KIF26B: variants seen among roughly 807,000 people sequenced by gnomAD.
KIF26B encodes kinesin family member 26B.
A neutral mutation model predicts 151.2 loss-of-function variants in KIF26B; 63 were observed. That is an observed-to-expected ratio of 0.42 (90% CI 0.34 to 0.51). The LOEUF (loss-of-function observed/expected upper bound fraction) is 0.51. KIF26B is among the 20% of genes least tolerant of loss of function. The pLI is 0.07. For synonymous variants in KIF26B, 1,357 were observed against 1,262.1 expected (o/e 1.08, Z -1.59); for missense variants, 2,813 against 2,913.6 (o/e 0.97, Z 0.79).
chr1:245,371,766 C>T (rs937946827), intron 3 of KIF26B: 6 of 151,976 alleles, frequency 3.9e-5, no homozygotes, highest in Non-Finnish European at 8.8e-5. Context: ...AAAGTACCTC[C>T]AGAAAGACCA....
chr1:245,565,140 T>A (rs541027194), intron 5 of KIF26B, among the ~76,000 whole-genome samples: 1 of 152,242 alleles, frequency 6.6e-6, no homozygotes, highest in South Asian at 2.1e-4. Flanking sequence ...CTATAAAAAA[T>A]TTTTTTAAAG....
intron 10 of KIF26B, among the ~76,000 whole-genome samples, chr1:245,679,458 T>TGG (rs1491094093): frequency 9.3e-5 from 2 of 21,612 alleles, no homozygotes; most frequent in Non-Finnish European, 2.2e-4. Flanking sequence ...TTTGTGTGTG[T>TGG]TTTTTTTTTT....
chr1:245,273,655 ATTTTG>A (rs1670890731), intron 2 of KIF26B, among the ~76,000 whole-genome samples: 1 of 152,030 alleles, frequency 6.6e-6, no homozygotes, highest in Non-Finnish European at 1.5e-5. Context: ...CTTAAAGTCT[ATTTTG>A]TGTGATATAA....
At chr1:245,587,830 C>T (rs918000862) in intron 5 of KIF26B, among the ~76,000 whole-genome samples, 2 of 152,106 alleles carry the variant, frequency 1.3e-5, no homozygotes, top group Non-Finnish European at 2.9e-5. Context: ...AAGCTGATTC[C>T]GTATGAAGAG....
intron 5 of KIF26B, among the ~76,000 whole-genome samples, chr1:245,567,253 C>G (rs2043019075): frequency 6.6e-6 from 1 of 152,236 alleles, no homozygotes; most frequent in South Asian, 2.1e-4. Flanking sequence ...GACATGCTAG[C>G]ATTCTTCCTG....
chr1:245,359,558 A>G (rs1212808294), intron 2 of KIF26B, among the ~76,000 whole-genome samples: 2 of 152,186 alleles, frequency 1.3e-5, no homozygotes, highest in African/African-American at 4.8e-5. Flanking sequence ...AAAATAGAGA[A>G]GGAAGCTGAG....
chr1:245,295,085 G>A lies in KIF26B; in HGVS notation c.466-71749G>A, dbSNP rs145994785. ...GGAAAATTGCAGAGAGTTAGGGCCC[G>A]TATAGTATGTGACACCAATCAAGAC... is the stretch of plus-strand genomic sequence containing the variant. On this transcript the variant is annotated intron_variant, in intron 2 of 14. Transcript: ENST00000407071. Among the ~76,000 whole-genome samples the A allele has an allele frequency of 2.6e-3, 403 of 152,214 alleles. 3 individuals carry two copies. Among genetic ancestry groups the A allele is most frequent in the African/African-American group, 9.0e-3 (375 of 41,516 alleles).
intron 2 of KIF26B, among the ~76,000 whole-genome samples, chr1:245,221,485 G>C (rs1669767810): frequency 6.7e-6 from 1 of 150,270 alleles, no homozygotes; most frequent in African/African-American, 2.5e-5. Flanking sequence ...TCAGCTCACT[G>C]TAACCTTCGC....
At chr1:245,696,805 T>C (rs1364126160) in intron 12 of KIF26B, among the ~76,000 whole-genome samples, 3 of 152,184 alleles carry the variant, frequency 2.0e-5, no homozygotes, top group African/African-American at 7.2e-5. Flanking sequence ...AGATCAAATC[T>C]GGGCTCTAAA....
At chr1:245,578,167 T>TATG (rs2043143836) in intron 5 of KIF26B, among the ~76,000 whole-genome samples, 1 of 152,246 alleles carries the variant, frequency 6.6e-6, no homozygotes, top group Admixed American at 6.5e-5. Context: ...GGTTTAGAAA[T>TATG]TCATAAGATG....
chr1:245,389,395 G>T (rs1199584417), intron 3 of KIF26B, among the ~76,000 whole-genome samples: 2 of 151,386 alleles, frequency 1.3e-5, no homozygotes, highest in Non-Finnish European at 2.9e-5. Context: ...TTACAGGCGT[G>T]AGCCACCACT....
rs778742613 is a variant in KIF26B at position 245,698,270 on chromosome 1, G to T, written c.5989G>T (p.Val1997Leu). Residue 1997 changes from valine (V) to leucine (L), a missense_variant, in exon 13 of 15, where the codon GTG becomes TTG. Physicochemically the swap from Val to Leu is conservative, Grantham distance 32. Around this residue, in one of 3 missense-constraint regions of KIF26B, gnomAD observed 2,060 missense variants for 2,088.6 expected, o/e 0.99. Transcript: ENST00000407071. The surrounding 1 kb of genome is among the most constrained non-coding windows in gnomAD (Gnocchi z 4.0). ...FEIKVYEIDD[V>L]ERLQRRRGGA... ...GATTAAAGTCTATGAAATCGATGAC[G>T]TGGAGCGCCTGCAGCGGCGACGAGG... The T allele has an allele frequency of 6.2e-7, 1 of 1,613,762 alleles. No homozygotes were observed. The highest frequency in any genetic ancestry group is 1.1e-5 in the South Asian group (1 of 91,080).
intron 2 of KIF26B, among the ~76,000 whole-genome samples, chr1:245,324,355 A>T (rs1388114035): frequency 6.6e-6 from 1 of 152,240 alleles, no homozygotes; most frequent in Non-Finnish European, 1.5e-5. Flanking sequence ...TCTTCAAGAC[A>T]TAGATTCCCC....
At chr1:245,576,134 A>T (rs539519332) in intron 5 of KIF26B, among the ~76,000 whole-genome samples, 79 of 152,188 alleles carry the variant, frequency 5.2e-4, no homozygotes, top group Non-Finnish European at 9.6e-4. Flanking sequence ...AACTGTAAGA[A>T]TGAAATATAA....
chr1:245,638,399 T>C (rs2043856379), intron 9 of KIF26B, among the ~76,000 whole-genome samples: 1 of 151,944 alleles, frequency 6.6e-6, no homozygotes, highest in Admixed American at 6.6e-5. Context: ...TAGATTTTTC[T>C]AAATATAAGA....
chr1:245,389,014 A>G (rs575329498), intron 3 of KIF26B, among the ~76,000 whole-genome samples: 2 of 152,322 alleles, frequency 1.3e-5, no homozygotes, highest in Admixed American at 1.3e-4. Flanking sequence ...CATTCTCTCA[A>G]TCTGTCTCTC....
Position 245,263,932 on chromosome 1 carries a change from T to G in KIF26B, c.466-102902T>G, listed in dbSNP as rs139971086. ...GCTTAGCTTTCTCACGCTGAGCCTT[T>G]TCCCTCAGGATCTTCAGCAGTTTTT... is the stretch of plus-strand genomic sequence containing the variant. On this transcript the variant is annotated intron_variant, in intron 2 of 14. Transcript: ENST00000407071. 5.4e-3 allele frequency among the ~76,000 whole-genome samples: 816 copies of G among 152,362 alleles called. 5 individuals carry two copies. The highest frequency in any genetic ancestry group is 7.9e-3 in the Non-Finnish European group (535 of 68,036).
chr1:245,664,009 C>CT (rs1200500456), intron 10 of KIF26B, among the ~76,000 whole-genome samples: 1 of 152,022 alleles, frequency 6.6e-6, no homozygotes, highest in Admixed American at 6.6e-5. Flanking sequence ...ACTTCACTTG[C>CT]TTTTTTTTGG....
intron 10 of KIF26B, among the ~76,000 whole-genome samples, chr1:245,648,897 C>G (rs1403332211): frequency 6.6e-6 from 1 of 152,206 alleles, no homozygotes; most frequent in Admixed American, 6.5e-5. Context: ...AGACCCAATC[C>G]TGGAGCTGTC....
Sources: allele counts gnomAD v4.1 joint callset (sites outside exome capture counted in the v4.1 genomes callset), GRCh38; gene constraint gnomAD v4.1.1; regional missense constraint gnomAD v4.1.1; non-coding constraint Gnocchi (gnomAD v3.1); transcripts MANE v1.5; gene names NCBI Gene and HGNC (gene_info 2026-07-23, HGNC 2026-07-21).